Variants in ACBD6 observed in about 807,000 individuals in gnomAD.
The protein encoded by ACBD6 is acyl-CoA-binding domain-containing protein 6.
Under a neutral mutation model 37.2 loss-of-function variants are expected in ACBD6, and 28 were observed. The ratio of observed to expected loss-of-function variants is 0.75; its 90% CI spans 0.56 to 1.03. The LOEUF is 1.03. Among genes scored for constraint, ACBD6 ranks in the 50% least tolerant of loss-of-function variants. The probability of loss-of-function intolerance (pLI) is 0.00; values close to 1 mark genes in which losing one functional copy is unlikely to be tolerated. For missense variants in ACBD6, 340 were observed against 337.4 expected (o/e 1.01, Z -0.06); for synonymous variants, 113 against 126.8 (o/e 0.89, Z 0.73).
chr1:180,350,502 T>C (rs1394153677), intron 6 of ACBD6, among the ~76,000 whole-genome samples: 1 of 152,172 alleles, frequency 6.6e-6, no homozygotes, highest in African/African-American at 2.4e-5. Flanking sequence ...TTCACTGGTA[T>C]TCCTTCCTAT....
intron 2 of ACBD6, among the ~76,000 whole-genome samples, 192 bp downstream of exon 2, chr1:180,495,269 A>G (rs895531653): frequency 2.0e-5 from 3 of 152,366 alleles, no homozygotes; most frequent in South Asian, 4.1e-4. Context: ...ACATGCTAGC[A>G]TAAGAATCCT....
At chr1:180,275,987 C>A (rs553523962) in intron 9 of ACBD6, 2 of 152,366 alleles carry the variant, frequency 1.3e-5, no homozygotes, top group South Asian at 4.1e-4. Flanking sequence ...CTGAATGGTG[C>A]TGCAGCTCCC....
chr1:180,273,393 C>T (rs1341987607), exon 12 of ACBD6: 3 of 152,348 alleles, frequency 2.0e-5, no homozygotes, highest in African/African-American at 7.2e-5. Context: ...CTGTTGAAGT[C>T]AACACCTAGA....
chr1:180,397,770 G>A (rs962689729), intron 5 of ACBD6, among the ~76,000 whole-genome samples, 165 bp from the exon 6 acceptor site: 9 of 151,902 alleles, frequency 5.9e-5, no homozygotes, highest in African/African-American at 2.2e-4. Context: ...ACAATCAATG[G>A]GGCAGGGCAT....
chr1:180,452,128 TA>T (rs1649730396), intron 3 of ACBD6, among the ~76,000 whole-genome samples: 1 of 152,136 alleles, frequency 6.6e-6, no homozygotes, highest in South Asian at 2.1e-4. Context: ...TTTATAGCAC[TA>T]AATGCCCACA....
chr1:180,480,591 A>C (rs1650993466), intron 3 of ACBD6, among the ~76,000 whole-genome samples: 1 of 152,234 alleles, frequency 6.6e-6, no homozygotes, highest in South Asian at 2.1e-4. Context: ...ATGCAACACT[A>C]AACAGAAATG....
intron 6 of ACBD6, among the ~76,000 whole-genome samples, chr1:180,359,501 T>C (rs1466422376): frequency 1.3e-5 from 2 of 152,200 alleles, no homozygotes; most frequent in Non-Finnish European, 2.9e-5. Flanking sequence ...ATAAGATGCC[T>C]GTATTATTTT....
intron 6 of ACBD6, among the ~76,000 whole-genome samples, chr1:180,371,493 C>T (rs1653263568): frequency 6.6e-6 from 1 of 152,108 alleles, no homozygotes; most frequent in South Asian, 2.1e-4. Context: ...TTCTCATCTT[C>T]CCGACAGCTC....
At chr1:180,461,831 G>A (rs1428113731) in intron 3 of ACBD6, among the ~76,000 whole-genome samples, 1 of 152,146 alleles carries the variant, frequency 6.6e-6, no homozygotes, top group Non-Finnish European at 1.5e-5. Flanking sequence ...ACACACTGAA[G>A]TACACAGACC....
chr1:180,364,683 G>T (rs984720136), intron 6 of ACBD6, among the ~76,000 whole-genome samples: 5 of 151,752 alleles, frequency 3.3e-5, no homozygotes, highest in African/African-American at 9.7e-5. Context: ...TAGTGGAGAG[G>T]AGTCCTGCAT....
chr1:180,412,758 T>C (rs1278225439), intron 5 of ACBD6, among the ~76,000 whole-genome samples: 1 of 152,194 alleles, frequency 6.6e-6, no homozygotes, highest in East Asian at 1.9e-4. Context: ...CCTGGCTACT[T>C]GGGAGGCTGA....
intron 7 of ACBD6, among the ~76,000 whole-genome samples, chr1:180,292,352 AG>A (rs1189872544): frequency 6.6e-6 from 1 of 152,190 alleles, no homozygotes; most frequent in Non-Finnish European, 1.5e-5. Context: ...GATAATATTT[AG>A]GAATTATACA....
At chr1:180,462,454 A>G (rs1412085869) in intron 3 of ACBD6, among the ~76,000 whole-genome samples, 1 of 152,210 alleles carries the variant, frequency 6.6e-6, no homozygotes, top group Admixed American at 6.5e-5. Flanking sequence ...TTTCCAACAG[A>G]CTTTAAATCA....
intron 6 of ACBD6, among the ~76,000 whole-genome samples, chr1:180,325,997 G>A (rs529683293): frequency 1.4e-4 from 22 of 152,198 alleles, no homozygotes; most frequent in East Asian, 7.7e-4. Flanking sequence ...ACTGGGTCTC[G>A]CCCAAGGCCC....
At chr1:180,332,484 T>C (rs1018903738) in intron 6 of ACBD6, among the ~76,000 whole-genome samples, 14 of 152,260 alleles carry the variant, frequency 9.2e-5, no homozygotes, top group Admixed American at 9.2e-4. Context: ...CTGCCTCTTG[T>C]CAGATCAGTG....
intron 6 of ACBD6, among the ~76,000 whole-genome samples, chr1:180,315,694 A>G (rs1163585567): frequency 6.6e-6 from 1 of 152,172 alleles, no homozygotes; most frequent in Non-Finnish European, 1.5e-5. Flanking sequence ...CTAGAAAGAA[A>G]AGCAAGAAGC....
At chr1:180,287,444 C>T (rs895595320), downstream of ACBD6, 2 of 148,272 alleles carry the variant, frequency 1.3e-5, no homozygotes, top group African/African-American at 2.5e-5. Context: ...GCATACTGAT[C>T]TATCCTTTAA....
chr1:180,434,473 T>C (rs545691098), intron 3 of ACBD6, among the ~76,000 whole-genome samples: 4 of 152,220 alleles, frequency 2.6e-5, no homozygotes, highest in Non-Finnish European at 5.9e-5. Flanking sequence ...GAAGAATCTT[T>C]TAAAGATCTG....
intron 3 of ACBD6, among the ~76,000 whole-genome samples, chr1:180,433,611 T>C (rs74132844): frequency 0.078 from 6,522 of 84,028 alleles, 454 homozygotes; most frequent in African/African-American, 0.21. Flanking sequence ...TGTGTGTGTG[T>C]GTGTGTGTAC....
Sources: gnomAD v4.1 joint callset for allele counts (sites outside exome capture counted in the v4.1 genomes callset) on GRCh38, gnomAD v4.1.1 for gene constraint, MANE v1.5 for transcripts, NCBI Gene and HGNC (gene_info 2026-07-23, HGNC 2026-07-21) for gene names.